MORC3: variants seen among roughly 807,000 people sequenced by gnomAD.
The protein encoded by MORC3 is MORC family CW-type zinc finger 3.
In MORC3, 31 loss-of-function variants were observed where a neutral mutation model predicts 109.1. That is an observed-to-expected ratio of 0.28 (90% CI 0.21 to 0.38). MORC3 has a LOEUF of 0.38. MORC3 is among the 10% of genes least tolerant of loss of function. The probability of loss-of-function intolerance (pLI) is 1.00; values close to 1 mark genes in which losing one functional copy is unlikely to be tolerated. For synonymous variants in MORC3, 395 were observed against 380.7 expected (o/e 1.04, Z -0.44); for missense variants, 867 against 1,135.8 (o/e 0.76, Z 3.40).
intron 10 of MORC3, among the ~76,000 whole-genome samples, chr21:36,358,872 G>T (rs1457416692): frequency 6.6e-6 from 1 of 151,870 alleles, no homozygotes; most frequent in African/African-American, 2.4e-5. Flanking sequence ...GTAGAGATGG[G>T]GTTTCACCGT....
intron 1 of MORC3, among the ~76,000 whole-genome samples, chr21:36,322,497 G>C (rs1215267318): frequency 6.6e-6 from 1 of 151,994 alleles, no homozygotes. Context: ...TCAGCCTCCC[G>C]AGTAGCTGGG....
chr21:36,337,871 C>G lies in MORC3; in HGVS notation c.385C>G (p.Leu129Val), dbSNP rs371655091. 315 of 1,614,036 alleles carry G rather than the reference C, an allele frequency of 2.0e-4. No homozygotes were observed. Among genetic ancestry groups the G allele is most frequent in the Non-Finnish European group, 2.5e-4 (296 of 1,180,044 alleles). ...AAATGGAGAAAGCATGAGCGTGGGC[C>G]TTTTGTCTCAGACCTACTTGGAAGT... is the stretch of plus-strand genomic sequence containing the variant. Reference protein sequence around the residue: ...TKNGESMSVGLLSQTYLEVIK... With the variant: ...TKNGESMSVGVLSQTYLEVIK... The change falls in exon 4 of 17, where the codon CTT becomes GTT. Residue 129 changes from leucine to valine, a missense_variant. This residue lies in a region of MORC3 where 134 missense variants were observed against 166.6 expected (regional missense o/e 0.80). Coordinates refer to ENST00000400485, the MANE Select transcript of MORC3 (RefSeq NM_015358.3).
intron 6 of MORC3, among the ~76,000 whole-genome samples, chr21:36,343,066 T>C (rs1012036404): frequency 9.8e-5 from 14 of 143,164 alleles, no homozygotes; most frequent in African/African-American, 3.7e-4. Context: ...TATCTTGATA[T>C]AATAATGTCG....
At chr21:36,338,573 G>A (rs532136639) in intron 4 of MORC3, among the ~76,000 whole-genome samples, 33 of 151,520 alleles carry the variant, frequency 2.2e-4, no homozygotes, top group Non-Finnish European at 3.2e-4. Context: ...GCCTGTGGTC[G>A]GTCCCAGCTA....
Position 36,369,009 on chromosome 21 carries a change from T to C in MORC3, c.1641T>C (p.Thr547=), listed in dbSNP as rs1177295282. 2 of 1,610,354 alleles carry C rather than the reference T, an allele frequency of 1.2e-6. No homozygotes were observed. The highest frequency in any genetic ancestry group is 1.7e-6 in the Non-Finnish European group (2 of 1,177,692). Reference sequence around the variant, plus strand: ...TCAGCTTGAAACGGAGACTTTCTACTCGTTCCTCAATTTTGAATGCAAAGA... The same window carrying C: ...TCAGCTTGAAACGGAGACTTTCTACCCGTTCCTCAATTTTGAATGCAAAGA... ...ESNSLKRRLS[T]RSSILNAKNR... Residue 547 remains threonine, a synonymous_variant, in exon 15 of 17, where the codon ACT becomes ACC. Coordinates refer to ENST00000400485, the MANE Select transcript of MORC3 (RefSeq NM_015358.3).
intron 14 of MORC3, among the ~76,000 whole-genome samples, chr21:36,367,138 G>T (rs555638007): frequency 1.3e-5 from 2 of 152,328 alleles, no homozygotes; most frequent in Admixed American, 1.3e-4. Flanking sequence ...TCTGTCAGAA[G>T]ATAGGGAATT....
chr21:36,328,600 C>T (rs979761729), intron 1 of MORC3, among the ~76,000 whole-genome samples: 2 of 152,098 alleles, frequency 1.3e-5, no homozygotes, highest in South Asian at 2.1e-4. Context: ...CTCGGCTTCC[C>T]AAAGTGGTGG....
At position 36,338,901 on chromosome 21, in the gene MORC3, C is replaced by T. The variant is rs1201321510; in HGVS notation, c.588C>T (p.Ile196=). ...TTATAGGCAAGAAGGGGACGAGGAT[C>T]ATCATTTGGAATCTTAGAAGGTAAA... The part of the protein sequence containing the change: ...DAIIGKKGTR[I]IIWNLRSYKN... The change falls in exon 5 of 17, where the codon ATC becomes ATT. Residue 196 remains isoleucine, a synonymous_variant. Transcript: ENST00000400485. 1 of 1,613,900 alleles carries T rather than the reference C, an allele frequency of 6.2e-7. No individual in the cohort carries two copies. Among genetic ancestry groups the T allele is most frequent in the Non-Finnish European group, 8.5e-7 (1 of 1,179,916 alleles).
chr21:36,335,282 T>C (rs2085363206), intron 2 of MORC3, among the ~76,000 whole-genome samples: 2 of 151,456 alleles, frequency 1.3e-5, no homozygotes, highest in Admixed American at 6.6e-5. Context: ...GGTTCTATCA[T>C]AGATGGAAGA....
At chr21:36,345,732 T>C (rs1048290970) in intron 8 of MORC3, among the ~76,000 whole-genome samples, 21 of 152,150 alleles carry the variant, frequency 1.4e-4, no homozygotes, top group Non-Finnish European at 2.9e-4. Flanking sequence ...TTGTTTTGTA[T>C]TTTTAGTAGA....
chr21:36,330,040 T>G (rs2085297190), intron 1 of MORC3, among the ~76,000 whole-genome samples: 1 of 152,050 alleles, frequency 6.6e-6, no homozygotes, highest in Non-Finnish European at 1.5e-5. Context: ...TTTTGCATTT[T>G]TAGTAAAGAT....
rs752528953 is a variant in MORC3 at position 36,369,643 on chromosome 21, A to G, written c.2275A>G (p.Ile759Val). 27 of 1,614,130 alleles carry G rather than the reference A, an allele frequency of 1.7e-5. No individual in the cohort carries two copies. In the Middle Eastern group the frequency reaches 6.6e-4, roughly 39 times the overall value. Reference protein sequence around the residue: ...ETDAVFLLESINGKSESPDHM... With the variant: ...ETDAVFLLESVNGKSESPDHM... ...CGATGCTGTATTTTTACTTGAAAGT[A>G]TTAATGGCAAATCTGAAAGTCCAGA... Residue 759 changes from isoleucine (I) to valine (V), a missense_variant, in exon 15 of 17, where the codon ATT becomes GTT. Transcript: ENST00000400485.
chr21:36,359,019 C>T (rs901177036), intron 10 of MORC3, among the ~76,000 whole-genome samples: 11 of 152,004 alleles, frequency 7.2e-5, no homozygotes, highest in African/African-American at 2.7e-4. Context: ...ATTTTGTAAA[C>T]TAAAAGTATA....
At chr21:36,353,355 CAAAAAAAAAA>C (rs35837458) in intron 9 of MORC3, among the ~76,000 whole-genome samples, 2 of 55,660 alleles carry the variant, frequency 3.6e-5, no homozygotes, top group Non-Finnish European at 6.4e-5. Flanking sequence ...GACTCTGTCT[CAAAAAAAAAA>C]AAAAAAAAAA....
intron 14 of MORC3, among the ~76,000 whole-genome samples, chr21:36,365,582 CCTTT>C (rs1261103569): frequency 2.6e-5 from 4 of 152,032 alleles, no homozygotes; most frequent in African/African-American, 7.2e-5. Flanking sequence ...GTTTGCTCTT[CCTTT>C]CTTTATTTTT....
chr21:36,361,981 A>G, intron 12 of MORC3: 1 of 628,026 alleles, frequency 1.6e-6, no homozygotes, highest in Non-Finnish European at 2.9e-6. Flanking sequence ...TGCAGTTTAT[A>G]CCGGTGAGGA....
intron 14 of MORC3, among the ~76,000 whole-genome samples, chr21:36,367,493 T>C (rs1182361462): frequency 6.6e-6 from 1 of 152,084 alleles, no homozygotes; most frequent in Non-Finnish European, 1.5e-5. Context: ...AATAAATAAA[T>C]CATTTAGAAT....
intron 16 of MORC3, among the ~76,000 whole-genome samples, chr21:36,374,246 C>T (rs542004884): frequency 1.3e-5 from 2 of 152,204 alleles, no homozygotes; most frequent in Non-Finnish European, 2.9e-5. Flanking sequence ...TGCGCCACCA[C>T]GCCCAGCTAC....
chr21:36,358,511 T>C (rs1021671065), intron 10 of MORC3, among the ~76,000 whole-genome samples: 2 of 152,110 alleles, frequency 1.3e-5, no homozygotes, highest in African/African-American at 4.8e-5. Flanking sequence ...ATCCCTGCAC[T>C]TTGGGAGGCC....
Sources: allele counts gnomAD v4.1 joint callset (sites outside exome capture counted in the v4.1 genomes callset), GRCh38; gene constraint gnomAD v4.1.1; regional missense constraint gnomAD v4.1.1; transcripts MANE v1.5; gene names NCBI Gene and HGNC (gene_info 2026-07-23, HGNC 2026-07-21).